CCNB3: variants seen among roughly 807,000 people sequenced by gnomAD.
CCNB3 encodes the protein cyclin B3.
A neutral mutation model predicts 68.0 loss-of-function variants in CCNB3; 12 were observed. The observed-to-expected ratio is 0.18, with a 90% CI of 0.11 to 0.29. CCNB3 has a LOEUF of 0.29. Among genes scored for constraint, CCNB3 ranks in the 10% least tolerant of loss-of-function variants. The probability of loss-of-function intolerance (pLI) is 1.00; values close to 1 mark genes in which losing one functional copy is unlikely to be tolerated. For missense variants in CCNB3, 904 were observed against 993.1 expected, an observed-to-expected ratio of 0.91 and a Z score of 1.21; for synonymous variants, 354 against 388.9, an observed-to-expected ratio of 0.91 and a Z score of 1.06.
At chrX:50,339,619 C>T (rs1016807840) in intron 8 of CCNB3, among the ~76,000 whole-genome samples, 2 of 111,492 alleles carry the variant, frequency 1.8e-5, no homozygotes, top group Non-Finnish European at 1.9e-5. Context: ...GTAAACATAG[C>T]GAGATCCTGT....
At chrX:50,286,124 T>C (rs73493799) in intron 3 of CCNB3, among the ~76,000 whole-genome samples, 2,580 of 112,015 alleles carry the variant, frequency 0.023, 64 homozygotes, top group African/African-American at 0.08. Flanking sequence ...ATTATTTCTA[T>C]CAGTAATATT....
At chrX:50,206,457 C>T (rs1348238000) in intron 1 of CCNB3, among the ~76,000 whole-genome samples, 11 of 105,896 alleles carry the variant, frequency 1.0e-4, no homozygotes, top group Non-Finnish European at 1.4e-4. Context: ...TTGTGGTGCC[C>T]GCCTGTAGTC....
chrX:50,226,584 A>G (rs1245466603), intron 1 of CCNB3, among the ~76,000 whole-genome samples: 4 of 70,749 alleles, frequency 5.7e-5, no homozygotes, highest in Non-Finnish European at 9.9e-5. Flanking sequence ...TAGAATACAT[A>G]CAAATATATA....
chrX:50,223,059 C>A (rs1935697014), intron 1 of CCNB3, among the ~76,000 whole-genome samples: 1 of 110,363 alleles, frequency 9.1e-6, no homozygotes. Flanking sequence ...GATTTGGCTA[C>A]TGATACTTGT....
Position 50,285,132 on chromosome X carries a change from C to A in CCNB3, c.-32C>A. The A allele has an allele frequency of 9.4e-7, 1 of 1,060,649 alleles. No homozygotes were observed. Among genetic ancestry groups the A allele is most frequent in the Non-Finnish European group, 1.3e-6 (1 of 758,174 alleles). 87.4% of individuals were successfully genotyped at this position (1,060,649 alleles called of 1,213,427 possible). ...GAGCCTCTTTCTGATTACAGCCCTG[C>A]CTTGGACAAGACGCAGCTGAATCTC... On this transcript the variant is annotated 5_prime_UTR_variant, in exon 3 of 13. Coordinates refer to ENST00000376042, the MANE Select transcript of CCNB3 (RefSeq NM_033031.3).
At chrX:50,213,464 A>G (rs1935515306) in intron 1 of CCNB3, among the ~76,000 whole-genome samples, 1 of 111,151 alleles carries the variant, frequency 9.0e-6, no homozygotes, top group Admixed American at 9.6e-5. Context: ...TTGGCCATGG[A>G]GTTTTCTTAT....
intron 8 of CCNB3, among the ~76,000 whole-genome samples, chrX:50,321,140 C>T (rs1250521993): frequency 2.7e-5 from 3 of 111,733 alleles, no homozygotes; most frequent in African/African-American, 9.7e-5. Flanking sequence ...AATTTTTGTA[C>T]ATGTTGACAG....
At chrX:50,334,545 C>T (rs987190011) in intron 8 of CCNB3, among the ~76,000 whole-genome samples, 2 of 112,444 alleles carry the variant, frequency 1.8e-5, no homozygotes, top group Non-Finnish European at 3.8e-5. Context: ...GACATGGTGG[C>T]CAGACTTTGG....
chrX:50,305,093 G>A (rs1362561837), intron 5 of CCNB3, among the ~76,000 whole-genome samples: 4 of 111,943 alleles, frequency 3.6e-5, no homozygotes, highest in African/African-American at 1.3e-4. Context: ...GGAAGTCAGT[G>A]TGGCGATTCC....
intron 4 of CCNB3, among the ~76,000 whole-genome samples, chrX:50,292,679 G>A (rs1225447958): frequency 1.8e-5 from 2 of 111,143 alleles, no homozygotes; most frequent in Non-Finnish European, 3.8e-5. Flanking sequence ...TATCAGTATG[G>A]ACTCCTGAGT....
At chrX:50,327,018 C>T (rs73495668) in intron 8 of CCNB3, among the ~76,000 whole-genome samples, 318 of 112,161 alleles carry the variant, frequency 2.8e-3, no homozygotes, top group African/African-American at 9.8e-3. Context: ...CATCTCTAGA[C>T]AGGGAAAGCA....
At chrX:50,214,548 ATCTAT>A (rs1363360475) in intron 1 of CCNB3, among the ~76,000 whole-genome samples, 1 of 78,452 alleles carries the variant, frequency 1.3e-5, no homozygotes, top group African/African-American at 4.3e-5. Context: ...ATATGGTATC[ATCTAT>A]TCTATATATA....
chrX:50,226,345 A>C (rs1935795679), intron 1 of CCNB3, among the ~76,000 whole-genome samples: 1 of 69,372 alleles, frequency 1.4e-5, no homozygotes, highest in Admixed American at 2.4e-4. Flanking sequence ...TATATAGAAT[A>C]TATATAAAAA....
At chrX:50,345,805 C>T (rs940593793) in intron 9 of CCNB3, among the ~76,000 whole-genome samples, 2 of 112,174 alleles carry the variant, frequency 1.8e-5, no homozygotes, top group Middle Eastern at 9.3e-3. Context: ...TTGCCACTAG[C>T]TTGCCGTGTG....
chrX:50,298,301 G>A (rs1396518484), intron 5 of CCNB3, among the ~76,000 whole-genome samples: 3 of 111,597 alleles, frequency 2.7e-5, no homozygotes, highest in African/African-American at 6.5e-5. Context: ...TTTGAGATAC[G>A]TCCCATCAAT....
Position 50,309,818 on chromosome X carries a change from T to G in CCNB3, c.1649T>G (p.Leu550Trp). ...ATGATGTCCATCTGTCCAGAACTGT[T>G]GGACTTTCAGGATATGATTGGTGAA... ...QEMMSICPELLDFQDMIGEDK... is the reference protein window; with the variant it reads ...QEMMSICPELWDFQDMIGEDK... The change falls in exon 6 of 13, where the codon TTG (leucine) becomes TGG (tryptophan). Residue 550 changes from leucine (L) to tryptophan (W), a missense_variant. Coordinates refer to ENST00000376042, the MANE Select transcript of CCNB3 (RefSeq NM_033031.3). 1.7e-6 allele frequency: 2 copies of G among 1,209,610 alleles called. No individual in the cohort carries two copies. The highest frequency in any genetic ancestry group is 2.2e-6 in the Non-Finnish European group (2 of 893,559).
intron 1 of CCNB3, among the ~76,000 whole-genome samples, chrX:50,215,147 G>A (rs1405290829): frequency 9.1e-6 from 1 of 109,442 alleles, no homozygotes; most frequent in Non-Finnish European, 1.9e-5. Context: ...CTGCCACCAC[G>A]CCCGGCTAAT....
intron 1 of CCNB3, among the ~76,000 whole-genome samples, chrX:50,211,120 G>A (rs1174324785): frequency 1.8e-5 from 2 of 110,221 alleles, no homozygotes; most frequent in African/African-American, 3.3e-5. Context: ...AAAATTAGCC[G>A]GGCATGGTGG....
intron 1 of CCNB3, among the ~76,000 whole-genome samples, chrX:50,214,748 G>C (rs1204495936): frequency 1.9e-5 from 2 of 103,656 alleles, no homozygotes; most frequent in Non-Finnish European, 3.9e-5. Flanking sequence ...AATAGAGACA[G>C]AATGTCCCTA....
Sources: gnomAD v4.1 joint callset for allele counts (sites outside exome capture counted in the v4.1 genomes callset) on GRCh38, gnomAD v4.1.1 for gene constraint, MANE v1.5 for transcripts, NCBI Gene and HGNC (gene_info 2026-07-23, HGNC 2026-07-21) for gene names.